EML6: variants seen among roughly 807,000 people sequenced by gnomAD.
EML6 encodes EMAP like 6, also known as echinoderm microtubule-associated protein-like 6.
In EML6, 154 loss-of-function variants were observed where a neutral mutation model predicts 240.1. The ratio of observed to expected loss-of-function variants is 0.64; its 90% CI spans 0.56 to 0.73. The LOEUF is 0.73. Among genes scored for constraint, EML6 ranks in the 30% least tolerant of loss-of-function variants. EML6 has a pLI of 0.00. For missense variants in EML6, 2,964 were observed against 2,474.6 expected (o/e 1.20, Z -4.20); for synonymous variants, 1,148 against 899.0 (o/e 1.28, Z -4.95).
At chr2:54,830,991 C>T (rs1668841407) in intron 7 of EML6, among the ~76,000 whole-genome samples, 1 of 152,104 alleles carries the variant, frequency 6.6e-6, no homozygotes, top group Non-Finnish European at 1.5e-5. Context: ...AGTTCTCTGC[C>T]ATAGAGTGTG....
intron 2 of EML6, among the ~76,000 whole-genome samples, chr2:54,752,075 T>C (rs866912237): frequency 6.6e-6 from 1 of 152,356 alleles, no homozygotes; most frequent in Middle Eastern, 3.4e-3. Flanking sequence ...ATTTTCAGCA[T>C]GTCTAGCGTG....
At chr2:54,922,658 T>C (rs528990516) in intron 26 of EML6, among the ~76,000 whole-genome samples, 1 of 152,208 alleles carries the variant, frequency 6.6e-6, no homozygotes, top group African/African-American at 2.4e-5. Flanking sequence ...TATCAACAAA[T>C]GAATGGATAA....
chr2:54,860,461 T>A (rs1243653570), intron 12 of EML6, among the ~76,000 whole-genome samples: 1 of 152,128 alleles, frequency 6.6e-6, no homozygotes, highest in Non-Finnish European at 1.5e-5. Context: ...CGGCCTGGCT[T>A]CTAACCAATA....
At chr2:54,837,060 C>G (rs1669191580) in intron 7 of EML6, among the ~76,000 whole-genome samples, 1 of 152,094 alleles carries the variant, frequency 6.6e-6, no homozygotes, top group Non-Finnish European at 1.5e-5. Context: ...AATACTCCCT[C>G]TTAAGTTTGG....
At chr2:54,905,667 T>C (rs2104244131) in intron 24 of EML6, among the ~76,000 whole-genome samples, 1 of 152,310 alleles carries the variant, frequency 6.6e-6, no homozygotes, top group South Asian at 2.1e-4. Context: ...GTAATACTGA[T>C]GACATTCCCA....
chr2:54,842,019 A>T (rs1317354042), intron 7 of EML6, among the ~76,000 whole-genome samples: 1 of 151,960 alleles, frequency 6.6e-6, no homozygotes, highest in Non-Finnish European at 1.5e-5. Flanking sequence ...CTCACTATCA[A>T]TGTGCCCCAC....
intron 26 of EML6, among the ~76,000 whole-genome samples, chr2:54,921,000 G>T (rs1166962355): frequency 6.6e-6 from 1 of 151,718 alleles, no homozygotes. Context: ...TAGAAGGAAG[G>T]AACTTCAATA....
chr2:54,819,904 A>G (rs1183162938), intron 4 of EML6, among the ~76,000 whole-genome samples: 1 of 152,194 alleles, frequency 6.6e-6, no homozygotes, highest in Non-Finnish European at 1.5e-5. Flanking sequence ...AGTGACAGAT[A>G]AATCCCTCTG....
intron 21 of EML6, among the ~76,000 whole-genome samples, chr2:54,899,230 A>T (rs900639276): frequency 2.0e-5 from 3 of 152,220 alleles, no homozygotes; most frequent in Admixed American, 6.5e-5. Flanking sequence ...AATATGATTT[A>T]ACTGAAGGAA....
At chr2:54,791,792 G>A (rs1001323949) in intron 2 of EML6, among the ~76,000 whole-genome samples, 1 of 152,108 alleles carries the variant, frequency 6.6e-6, no homozygotes, top group Non-Finnish European at 1.5e-5. Flanking sequence ...TCCAGCCCTG[G>A]ATTATACTAC....
chr2:54,741,069 G>T (rs1440563947), intron 2 of EML6, among the ~76,000 whole-genome samples: 1 of 152,110 alleles, frequency 6.6e-6, no homozygotes, highest in African/African-American at 2.4e-5. Flanking sequence ...CTCTGTAAAT[G>T]ACAGTGCAGG....
chr2:54,816,811 G>A lies in EML6; in HGVS notation c.382G>A (p.Ala128Thr). ...GQRLASVGLD[A>T]KNTVCIWDWR... The stretch of plus-strand genomic sequence containing the variant: ...GCGTTTAGCCTCTGTGGGGTTGGAT[G>A]CCAAAAACACAGTCTGCATTTGGGA... The change falls in exon 4 of 42, where the codon GCC becomes ACC. Residue 128 changes from alanine (A) to threonine (T), a missense_variant. Coordinates refer to ENST00000356458, the MANE Select transcript of EML6 (RefSeq NM_001039753.4). The A allele has an allele frequency of 6.4e-7, 1 of 1,551,374 alleles. No individual in the cohort carries two copies.
At chr2:54,898,853 G>A (rs959936829) in intron 21 of EML6, among the ~76,000 whole-genome samples, 2 of 152,186 alleles carry the variant, frequency 1.3e-5, no homozygotes, top group African/African-American at 4.8e-5. Flanking sequence ...ATTATAGAGT[G>A]AAAAATTATG....
At position 54,858,936 on chromosome 2, in the gene EML6, G is replaced by A. The variant is rs896597286; in HGVS notation, c.1658-598G>A. On this transcript the variant is annotated intron_variant, in intron 11 of 41. Coordinates refer to ENST00000356458, the MANE Select transcript of EML6 (RefSeq NM_001039753.4). ...TAGGCCTCCATGTAAGATGGACCCTGCTTATTACTCGAGTGCCTTGATGCC... is the reference window on the plus strand; with the variant it reads ...TAGGCCTCCATGTAAGATGGACCCTACTTATTACTCGAGTGCCTTGATGCC... 3.3e-5 allele frequency among the ~76,000 whole-genome samples: 5 copies of A among 152,204 alleles called. No homozygotes were observed. In the East Asian group the frequency reaches 9.6e-4, roughly 29 times the overall value.
chr2:54,969,466 C>T lies in EML6; in HGVS notation c.5853-605C>T, dbSNP rs368558752. Among the ~76,000 whole-genome samples the T allele has an allele frequency of 2.5e-4, 38 of 152,340 alleles. 2 individuals are homozygous for T. The East Asian group carries it at 2.7e-3, about 11-fold the overall frequency. On this transcript the variant is annotated intron_variant, in intron 41 of 41. Transcript: ENST00000356458. The stretch of plus-strand genomic sequence containing the variant: ...CCTGCCTGGGAGCCCCCATCTCCAG[C>T]CTGCTGTGCTGGCTACTTCTGGCAC...
chr2:54,801,732 T>A (rs1042113325), intron 2 of EML6, among the ~76,000 whole-genome samples: 1 of 152,230 alleles, frequency 6.6e-6, no homozygotes, highest in Non-Finnish European at 1.5e-5. Context: ...TGTAAGAACC[T>A]AATGCAATTT....
At chr2:54,851,676 A>G (rs1670098291) in intron 10 of EML6, among the ~76,000 whole-genome samples, 1 of 152,198 alleles carries the variant, frequency 6.6e-6, no homozygotes, top group South Asian at 2.1e-4. Flanking sequence ...TCATTATCCA[A>G]GTCTTTTGCT....
intron 17 of EML6, among the ~76,000 whole-genome samples, chr2:54,885,606 T>C (rs1672085184): frequency 6.6e-6 from 1 of 152,074 alleles, no homozygotes. Flanking sequence ...CCATATTCAC[T>C]TTTTGATTTT....
intron 24 of EML6, among the ~76,000 whole-genome samples, chr2:54,906,400 T>TG (rs1267231146): frequency 2.0e-5 from 3 of 152,056 alleles, no homozygotes; most frequent in Non-Finnish European, 4.4e-5. Context: ...TGGAGGGGCC[T>TG]GGGGGAAGGT....
Sources: gnomAD v4.1 joint callset for allele counts (sites outside exome capture counted in the v4.1 genomes callset) on GRCh38, gnomAD v4.1.1 for gene constraint, MANE v1.5 for transcripts, NCBI Gene and HGNC (gene_info 2026-07-23, HGNC 2026-07-21) for gene names.